The following KCNQ3 variants were observed in gnomAD, a reference collection of about 807,000 sequenced individuals.
The protein encoded by KCNQ3 is potassium voltage-gated channel subfamily KQT member 3.
Under a neutral mutation model 92.5 loss-of-function variants are expected in KCNQ3, and 30 were observed. That is an observed-to-expected ratio of 0.32 (90% CI 0.24 to 0.44). The LOEUF is 0.44. Ranked by LOEUF, KCNQ3 falls within the 20% of genes least tolerant of loss-of-function variation. The pLI, the probability that KCNQ3 is intolerant of heterozygous loss-of-function variation, is 1.00. For missense variants in KCNQ3, 913 were observed against 1,140.3 expected (o/e 0.80, Z 2.87); for synonymous variants, 450 against 468.8 (o/e 0.96, Z 0.52).
rs1274908646 is a variant in KCNQ3 at position 132,129,280 on chromosome 8, A to T, written c.2601T>A (p.Pro867=). Residue 867 remains proline, a synonymous_variant, in exon 15 of 15, where the codon CCT becomes CCA. Transcript: ENST00000388996. This position sits in a 1 kb window ranked among gnomAD's most constrained non-coding sequence, Gnocchi z 5.9. ...GDGISDSVWT[P]SNKPI ...ACCTCTTTTAAATGGGCTTATTGGA[A>T]GGGGTCCATACTGAATCAGAAATCC... 3 of 1,612,902 alleles carry T rather than the reference A, an allele frequency of 1.9e-6. No homozygotes were observed. In the Admixed American group the frequency reaches 5.0e-5, roughly 27 times the overall value.
intron 1 of KCNQ3, among the ~76,000 whole-genome samples, chr8:132,206,781 A>G (rs924926911): frequency 3.9e-5 from 6 of 151,932 alleles, no homozygotes; most frequent in African/African-American, 1.5e-4. Context: ...TTAACTTTTC[A>G]AAAAACCAAC....
intron 1 of KCNQ3, among the ~76,000 whole-genome samples, chr8:132,266,814 A>C (rs565588975): frequency 7.2e-5 from 11 of 152,318 alleles, no homozygotes; most frequent in Admixed American, 2.0e-4. Flanking sequence ...GTGTTGGTCC[A>C]GGACCACAGT....
intron 1 of KCNQ3, among the ~76,000 whole-genome samples, chr8:132,369,637 G>A (rs1182855429): frequency 6.6e-6 from 1 of 151,818 alleles, no homozygotes; most frequent in Admixed American, 6.6e-5. Flanking sequence ...AGAGACACAG[G>A]AGCCAACAGA....
At chr8:132,284,599 C>T (rs1453492769) in intron 1 of KCNQ3, among the ~76,000 whole-genome samples, 1 of 152,122 alleles carries the variant, frequency 6.6e-6, no homozygotes, top group Non-Finnish European at 1.5e-5. Context: ...GTCTGAAACA[C>T]AGCAACCTGC....
intron 1 of KCNQ3, among the ~76,000 whole-genome samples, chr8:132,215,203 G>A (rs1168013037): frequency 6.6e-6 from 1 of 152,174 alleles, no homozygotes; most frequent in Non-Finnish European, 1.5e-5. Context: ...TAATCTTTCT[G>A]AAACTTAATT....
In KCNQ3 at chr8:132,131,460, C is replaced by T. The variant is rs891055006; in HGVS notation, c.1884+720G>A. ...CTGCCCTCCTTCCGGCCTCTTCACG[C>T]AGGCAACCCACTGCCTGGACATTGA... On this transcript the variant is annotated intron_variant, in intron 14 of 14. Transcript: ENST00000388996. 5.3e-5 allele frequency among the ~76,000 whole-genome samples: 8 copies of T among 152,172 alleles called. No individual in the cohort carries two copies. The South Asian group carries it at 1.0e-3, about 20-fold the overall frequency.
At chr8:132,281,548 G>GTATA (rs34754909) in intron 1 of KCNQ3, among the ~76,000 whole-genome samples, 25 of 149,250 alleles carry the variant, frequency 1.7e-4, no homozygotes, top group Middle Eastern at 3.4e-3. Flanking sequence ...ATATGTGTGT[G>GTATA]TATATATATA....
chr8:132,387,731 T>G (rs58394541), intron 1 of KCNQ3, among the ~76,000 whole-genome samples: 23,993 of 152,124 alleles, frequency 0.16, 2,216 homozygotes, highest in African/African-American at 0.26. Flanking sequence ...CTGGGCCCAG[T>G]GGATCAGGCC....
chr8:132,310,524 T>G (rs1031767468), intron 1 of KCNQ3, among the ~76,000 whole-genome samples: 2 of 152,196 alleles, frequency 1.3e-5, no homozygotes, highest in African/African-American at 4.8e-5. Flanking sequence ...CGAGTTCCAC[T>G]GCCTGGGCTG....
At chr8:132,319,940 C>T (rs759066421) in intron 1 of KCNQ3, among the ~76,000 whole-genome samples, 1 of 152,222 alleles carries the variant, frequency 6.6e-6, no homozygotes, top group Non-Finnish European at 1.5e-5. Flanking sequence ...TCCCAATCCC[C>T]ACAGCACCTA....
intron 1 of KCNQ3, among the ~76,000 whole-genome samples, chr8:132,452,559 A>T (rs758853345): frequency 3.3e-5 from 5 of 152,176 alleles, no homozygotes; most frequent in Non-Finnish European, 7.3e-5. Flanking sequence ...ACTGGCACCA[A>T]ATCCTTGGGT....
intron 1 of KCNQ3, among the ~76,000 whole-genome samples, chr8:132,402,925 G>C (rs888645798): frequency 4.1e-5 from 6 of 147,394 alleles, no homozygotes; most frequent in African/African-American, 1.5e-4. Context: ...GGCTGAGGCA[G>C]GGGAATCGCT....
intron 1 of KCNQ3, among the ~76,000 whole-genome samples, chr8:132,436,453 T>C (rs1821397644): frequency 6.6e-6 from 1 of 152,212 alleles, no homozygotes; most frequent in Non-Finnish European, 1.5e-5. Context: ...TGAGAAAAAC[T>C]GAAAACAGCA....
rs79088890 is a variant in KCNQ3 at position 132,227,456 on chromosome 8, G to A, written c.387-41275C>T. Among the ~76,000 whole-genome samples, 290 of 152,284 alleles carry A rather than the reference G, an allele frequency of 1.9e-3. 2 individuals are homozygous for A. Among genetic ancestry groups the A allele is most frequent in the Non-Finnish European group, 3.7e-3 (249 of 68,032 alleles). The stretch of plus-strand genomic sequence containing the variant: ...GGCATGAAGACACAGTGAGAAGCCG[G>A]ATGTCTGCAAGTCTAAAAGGAAGGC... On this transcript the variant is annotated intron_variant, in intron 1 of 14. Coordinates refer to ENST00000388996, the MANE Select transcript of KCNQ3 (RefSeq NM_004519.4).
Position 132,128,490 on chromosome 8 carries a change from C to CTAT in KCNQ3, c.*769_*771dup, listed in dbSNP as rs1370030259. On this transcript the variant is annotated 3_prime_UTR_variant, in exon 15 of 15. Transcript: ENST00000388996. Reference sequence around the variant, plus strand: ...TGTCCTTGGCTACATAAATTGGAAACTATTTTAACTTTGTGTATGTGTGTG... The same window carrying CTAT: ...TGTCCTTGGCTACATAAATTGGAAACTATTATTTTAACTTTGTGTATGTGTGTG... The CTAT allele has an allele frequency of 6.8e-6, 1 of 145,998 alleles. No homozygotes were observed. Among genetic ancestry groups the CTAT allele is most frequent in the Admixed American group, 7.0e-5 (1 of 14,290 alleles). 9.0% of individuals were successfully genotyped at this position (145,998 alleles called of 1,614,324 possible). A position where few individuals can be genotyped will look rare whatever the true frequency, so the allele number is the denominator to read the frequency against.
chr8:132,236,165 T>G (rs775921593), intron 1 of KCNQ3, among the ~76,000 whole-genome samples: 11 of 152,192 alleles, frequency 7.2e-5, no homozygotes, highest in Non-Finnish European at 1.6e-4. Flanking sequence ...TCTTGTTAAC[T>G]CCACCACTAC....
chr8:132,468,770 C>T lies in KCNQ3; in HGVS notation c.386+11377G>A, dbSNP rs546307498. Among the ~76,000 whole-genome samples the T allele has an allele frequency of 7.9e-5, 12 of 152,304 alleles. No individual in the cohort carries two copies. The East Asian group carries it at 2.1e-3, about 27-fold the overall frequency. The stretch of plus-strand genomic sequence containing the variant: ...CATGGAGAGGAGAGGAGGTTCCCAG[C>T]CCTGAGGTCTGAATTCAGTATAGAG... On this transcript the variant is annotated intron_variant, in intron 1 of 14. Coordinates refer to ENST00000388996, the MANE Select transcript of KCNQ3 (RefSeq NM_004519.4).
chr8:132,453,676 T>G lies in KCNQ3; in HGVS notation c.386+26471A>C, dbSNP rs985404263. ...TGATCAGTCAATTCTCATTGATCTGTTTTTTTTTTATCATCTCTGAGCACA... is the reference window on the plus strand; with the variant it reads ...TGATCAGTCAATTCTCATTGATCTGGTTTTTTTTTATCATCTCTGAGCACA... On this transcript the variant is annotated intron_variant, in intron 1 of 14. Transcript: ENST00000388996. Among the ~76,000 whole-genome samples, 3 of 146,176 alleles carry G rather than the reference T, an allele frequency of 2.1e-5. No individual in the cohort carries two copies. The South Asian group carries it at 6.4e-4, about 31-fold the overall frequency.
intron 1 of KCNQ3, among the ~76,000 whole-genome samples, chr8:132,242,850 T>C (rs906506498): frequency 6.6e-6 from 1 of 152,246 alleles, no homozygotes; most frequent in Admixed American, 6.5e-5. Flanking sequence ...GCCTAAATCC[T>C]GTGGAGTAGA....
Sources: gnomAD v4.1 joint callset for allele counts (sites outside exome capture counted in the v4.1 genomes callset) on GRCh38, gnomAD v4.1.1 for gene constraint, Gnocchi (gnomAD v3.1) non-coding constraint, MANE v1.5 for transcripts, NCBI Gene and HGNC (gene_info 2026-07-23, HGNC 2026-07-21) for gene names.